Variants in TRAPPC8 observed in about 807,000 individuals in gnomAD.
TRAPPC8 encodes the protein trafficking protein particle complex subunit 8, also known as general sporulation gene 1 homolog.
TRAPPC8 carries 54 observed loss-of-function variants against 174.3 expected under a neutral mutation model. The observed-to-expected ratio is 0.31, with a 90% CI of 0.25 to 0.39. TRAPPC8 has a LOEUF of 0.39. Among genes scored for constraint, TRAPPC8 ranks in the 10% least tolerant of loss-of-function variants. The probability of loss-of-function intolerance (pLI) is 1.00; values close to 1 mark genes in which losing one functional copy is unlikely to be tolerated. For missense variants in TRAPPC8, 1,531 were observed against 1,699.1 expected (o/e 0.90, Z 1.74); for synonymous variants, 630 against 579.9 (o/e 1.09, Z -1.24).
At chr18:31,882,820 T>A (rs548166494) in intron 12 of TRAPPC8, among the ~76,000 whole-genome samples, 39 of 151,182 alleles carry the variant, frequency 2.6e-4, no homozygotes, top group Non-Finnish European at 5.0e-4. Flanking sequence ...TTCCACTATG[T>A]TGGCCAGGCT....
chr18:31,918,115 G>C (rs2037229060), intron 2 of TRAPPC8, among the ~76,000 whole-genome samples: 1 of 151,974 alleles, frequency 6.6e-6, no homozygotes, highest in African/African-American at 2.4e-5. Flanking sequence ...GACAGAATGA[G>C]ACTCCGTCTC....
At chr18:31,839,246 T>G in intron 27 of TRAPPC8, 66 bp downstream of exon 27, 1 of 1,498,004 alleles carries the variant, frequency 6.7e-7, no homozygotes, top group Non-Finnish European at 9.0e-7. Context: ...ACTGCCAAAA[T>G]AAAAGAAACA....
At chr18:31,845,891 A>G (rs1183316511) in intron 26 of TRAPPC8, among the ~76,000 whole-genome samples, 1 of 152,176 alleles carries the variant, frequency 6.6e-6, no homozygotes, top group Admixed American at 6.5e-5. Flanking sequence ...CTTATATTCT[A>G]TTCATATTTA....
At chr18:31,909,860 G>A (rs2036834859) in intron 5 of TRAPPC8, 100 bp from the exon 6 acceptor site, 1 of 769,796 alleles carries the variant, frequency 1.3e-6, no homozygotes, top group Non-Finnish European at 1.9e-6. Context: ...CTAACTGTTG[G>A]CCTCATTTAT....
At chr18:31,837,817 C>T (rs1568029933) in intron 27 of TRAPPC8, among the ~76,000 whole-genome samples, 1 of 151,984 alleles carries the variant, frequency 6.6e-6, no homozygotes, top group Non-Finnish European at 1.5e-5. Context: ...CAATGAAAAT[C>T]AATTCTACAG....
chr18:31,917,682 A>G lies in TRAPPC8; in HGVS notation c.353-15T>C, dbSNP rs2037207105. ...TGGAGTAGTGGCTAAAATTAACAAT[A>G]TACAAAACAGTTAAAAGTATTCAAT... On this transcript the variant is annotated splice_polypyrimidine_tract_variant and intron_variant, in intron 2 of 28. Transcript: ENST00000283351. 1 of 1,600,520 alleles carries G rather than the reference A, an allele frequency of 6.2e-7. No homozygotes were observed. The highest frequency in any genetic ancestry group is 1.3e-5 in the African/African-American group (1 of 74,500).
At chr18:31,856,777 A>G (rs2034037993) in intron 20 of TRAPPC8, among the ~76,000 whole-genome samples, 1 of 144,540 alleles carries the variant, frequency 6.9e-6, no homozygotes, top group Admixed American at 6.9e-5. Context: ...TCTCTTGCAT[A>G]TCCCTCCCTT....
chr18:31,910,243 C>T (rs142909168), intron 5 of TRAPPC8, among the ~76,000 whole-genome samples: 1 of 151,950 alleles, frequency 6.6e-6, no homozygotes, highest in Non-Finnish European at 1.5e-5. Flanking sequence ...TCTAACGCAA[C>T]GTTTATTTGT....
rs1400193863 is a variant in TRAPPC8, at chr18:31,907,402, AT to A, written c.1389+57del. ...AGGATTCTGTTTGCCACCAAGAGAA[AT>A]TTCTAAATAATTTATGGTAGCAGAA... is the stretch of plus-strand genomic sequence containing the variant. On this transcript the variant is annotated intron_variant, in intron 9 of 28. Transcript: ENST00000283351. The A allele has an allele frequency of 1.5e-5, 22 of 1,488,424 alleles. No homozygotes were observed. In the East Asian group the frequency reaches 4.6e-4, roughly 31 times the overall value. The allele number at this position is 1,488,424 out of a possible 1,614,324, so 92.2% of individuals were successfully genotyped here.
At position 31,892,487 on chromosome 18, in the gene TRAPPC8, C is replaced by T. The variant is rs563972753; in HGVS notation, c.1597-1621G>A. On this transcript the variant is annotated intron_variant, in intron 11 of 28. Transcript: ENST00000283351. ...CCGATTGTTTCATATTTTGTTACTA[C>T]ATAAAATGATTTGATAACTATCCTT... is the stretch of plus-strand genomic sequence containing the variant. Among the ~76,000 whole-genome samples the T allele has an allele frequency of 7.9e-5, 12 of 152,174 alleles. No homozygotes were observed. In the South Asian group the frequency reaches 2.1e-3, roughly 26 times the overall value.
At chr18:31,867,698 T>C (rs1442967545) in intron 16 of TRAPPC8, among the ~76,000 whole-genome samples, 1 of 152,026 alleles carries the variant, frequency 6.6e-6, no homozygotes, top group Non-Finnish European at 1.5e-5. Context: ...TTTTGTTCAG[T>C]CCAATTCAAC....
At chr18:31,888,927 T>A (rs1477471968) in intron 12 of TRAPPC8, among the ~76,000 whole-genome samples, 1 of 152,202 alleles carries the variant, frequency 6.6e-6, no homozygotes, top group Non-Finnish European at 1.5e-5. Context: ...AAGTTTTTTT[T>A]AAATAATAAA....
At chr18:31,921,339 C>T (rs1028502872) in intron 2 of TRAPPC8, among the ~76,000 whole-genome samples, 1 of 152,112 alleles carries the variant, frequency 6.6e-6, no homozygotes, top group Non-Finnish European at 1.5e-5. Flanking sequence ...TTAGGTCAGG[C>T]ACGGTGGCTC....
rs745565749 is a variant in TRAPPC8 at position 31,942,716 on chromosome 18, C to G, written c.49G>C (p.Val17Leu). 10 of 1,606,132 alleles carry G rather than the reference C, an allele frequency of 6.2e-6. No individual in the cohort carries two copies. The highest frequency in any genetic ancestry group is 8.5e-6 in the Non-Finnish European group (10 of 1,176,668). The change falls in exon 1 of 29, where the codon GTC becomes CTC. Residue 17 changes from valine to leucine, a missense_variant. Val to Leu is a conservative substitution (Grantham distance 32, BLOSUM62 1). Transcript: ENST00000283351. ...CTGCACAGCGCAGCGACACAGGGGA[C>G]GAAGGAGTCCGGGATTAGCTCCTGC... Reference protein sequence around the residue: ...SVQELIPDSFVPCVAALCSDE... With the variant: ...SVQELIPDSFLPCVAALCSDE...
Position 31,839,397 on chromosome 18 carries a change from T to G in TRAPPC8, c.3898A>C (p.Arg1300=). ...CTAGAAAGCTGCTCTACTGATGGCCTTGAGGAAACTGTAATGTTTTCTGGC... is the reference window on the plus strand; with the variant it reads ...CTAGAAAGCTGCTCTACTGATGGCCGTGAGGAAACTGTAATGTTTTCTGGC... The part of the protein sequence containing the change: ...FRPENITVSS[R]PSVEQLSSLI... The change falls in exon 27 of 29, where the codon AGG becomes CGG. Residue 1300 remains arginine, a synonymous_variant. Transcript: ENST00000283351. 1.2e-6 allele frequency: 2 copies of G among 1,612,374 alleles called. No homozygotes were observed. The highest frequency in any genetic ancestry group is 1.7e-6 in the Non-Finnish European group (2 of 1,179,254).
Position 31,832,179 on chromosome 18 carries a change from G to A in TRAPPC8, c.3984-6C>T, listed in dbSNP as rs778328222. The A allele has an allele frequency of 6.8e-7, 1 of 1,469,234 alleles. No homozygotes were observed. The highest frequency in any genetic ancestry group is 1.5e-5 in the South Asian group (1 of 65,836). 91.0% of individuals were successfully genotyped at this position (1,469,234 alleles called of 1,614,324 possible). The stretch of plus-strand genomic sequence containing the variant: ...TGACTGGTACTAAACAAAGGCTATG[G>A]AAGAAAAATAAACAAAAAAGTTATA... On this transcript the variant is annotated splice_polypyrimidine_tract_variant and splice_region_variant and intron_variant, in intron 27 of 28. Transcript: ENST00000283351.
chr18:31,916,517 C>T (rs2037153164), intron 3 of TRAPPC8, 71 bp from the exon 4 acceptor site: 3 of 1,410,462 alleles, frequency 2.1e-6, no homozygotes, highest in Non-Finnish European at 2.8e-6. Flanking sequence ...CTGAGATAAA[C>T]AGGAGGTTTT....
At position 31,874,519 on chromosome 18, in the gene TRAPPC8, T is replaced by A; in HGVS notation, c.1914A>T (p.Gln638His). 6.2e-7 allele frequency: 1 copy of A among 1,614,168 alleles called. No homozygotes were observed. The highest frequency in any genetic ancestry group is 1.1e-5 in the South Asian group (1 of 91,086). The part of the protein sequence containing the change: ...LINESKQSAA[Q>H]QGAFLREYLY... ...GATATTCTCTGAGGAAAGCCCCCTG[T>A]TGAGCAGCAGATTGTTTACTTTCAT... The change falls in exon 13 of 29, where the codon CAA (glutamine) becomes CAT (histidine). Residue 638 changes from glutamine to histidine, a missense_variant. By Grantham distance (24) the Gln-to-His change is conservative. Coordinates refer to ENST00000283351, the MANE Select transcript of TRAPPC8 (RefSeq NM_014939.5).
At chr18:31,834,801 GCT>G (rs1291387761) in intron 27 of TRAPPC8, among the ~76,000 whole-genome samples, 9 of 151,974 alleles carry the variant, frequency 5.9e-5, no homozygotes, top group Admixed American at 4.6e-4. Context: ...TACCTCTACT[GCT>G]CTGTGTCCCA....
Sources: allele counts gnomAD v4.1 joint callset (sites outside exome capture counted in the v4.1 genomes callset), GRCh38; gene constraint gnomAD v4.1.1; transcripts MANE v1.5; gene names NCBI Gene and HGNC (gene_info 2026-07-23, HGNC 2026-07-21).